FRMD4B: variants seen among roughly 807,000 people sequenced by gnomAD.
FRMD4B encodes the protein FERM domain-containing protein 4B.
FRMD4B carries 74 observed loss-of-function variants against 141.5 expected under a neutral mutation model. The ratio of observed to expected loss-of-function variants is 0.52; its 90% CI spans 0.43 to 0.63. The LOEUF (loss-of-function observed/expected upper bound fraction) is 0.63. Among genes scored for constraint, FRMD4B ranks in the 30% least tolerant of loss-of-function variants. The pLI, the probability that FRMD4B is intolerant of heterozygous loss-of-function variation, is 0.00. For synonymous variants in FRMD4B, 506 were observed against 467.9 expected, an observed-to-expected ratio of 1.08 and a Z score of -1.05; for missense variants, 1,366 against 1,253.4, an observed-to-expected ratio of 1.09 and a Z score of -1.36.
At chr3:69,231,441 C>A (rs2093304866) in intron 7 of FRMD4B, among the ~76,000 whole-genome samples, 1 of 152,194 alleles carries the variant, frequency 6.6e-6, no homozygotes, top group African/African-American at 2.4e-5. Context: ...GTATGTGCTA[C>A]CACGCCCAGC....
intron 1 of FRMD4B, among the ~76,000 whole-genome samples, chr3:69,517,274 C>A (rs1700777761): frequency 6.6e-6 from 1 of 152,088 alleles, no homozygotes; most frequent in South Asian, 2.1e-4. Context: ...CAATAATATG[C>A]AATATGTACA....
chr3:69,489,897 T>C (rs1587371), intron 1 of FRMD4B, among the ~76,000 whole-genome samples: 97,628 of 152,066 alleles, frequency 0.64, 32,614 homozygotes, highest in African/African-American at 0.84. Flanking sequence ...TACTATTCAG[T>C]AATGAAAAGT....
At chr3:69,372,424 G>C (rs1313025360) in intron 1 of FRMD4B, among the ~76,000 whole-genome samples, 3 of 152,220 alleles carry the variant, frequency 2.0e-5, no homozygotes, top group Non-Finnish European at 4.4e-5. Context: ...CAACACTTTG[G>C]GAGGCTGAAG....
chr3:69,265,802 G>T (rs2093558715), intron 5 of FRMD4B, among the ~76,000 whole-genome samples: 1 of 151,942 alleles, frequency 6.6e-6, no homozygotes, highest in Non-Finnish European at 1.5e-5. Context: ...CCAGATCTTT[G>T]TTTCTAGATA....
intron 5 of FRMD4B, among the ~76,000 whole-genome samples, chr3:69,257,626 A>G (rs1160778810): frequency 3.3e-5 from 5 of 152,014 alleles, no homozygotes; most frequent in East Asian, 1.9e-4. Flanking sequence ...AAATAACACT[A>G]ATTTCATCAC....
chr3:69,380,717 C>A (rs6803448), intron 1 of FRMD4B, among the ~76,000 whole-genome samples: 1,625 of 152,284 alleles, frequency 0.011, 31 homozygotes, highest in African/African-American at 0.036. Context: ...CTGACCCAGC[C>A]TCTTATTGGT....
At chr3:69,316,151 A>G (rs1688040596) in intron 1 of FRMD4B, among the ~76,000 whole-genome samples, 1 of 152,224 alleles carries the variant, frequency 6.6e-6, no homozygotes, top group African/African-American at 2.4e-5. Context: ...AGCTGGTTAG[A>G]TCATGGTATT....
At chr3:69,201,644 T>C (rs2092968710) in intron 11 of FRMD4B, among the ~76,000 whole-genome samples, 1 of 152,206 alleles carries the variant, frequency 6.6e-6, no homozygotes, top group Non-Finnish European at 1.5e-5. Flanking sequence ...ATAAGCTGGT[T>C]TTTCTTTTGA....
intron 1 of FRMD4B, among the ~76,000 whole-genome samples, chr3:69,488,117 AAG>A (rs1559543039): frequency 6.6e-6 from 1 of 152,156 alleles, no homozygotes; most frequent in Admixed American, 6.5e-5. Context: ...AAAAAAGAGA[AAG>A]AGAAAAAGAA....
chr3:69,184,008 A>G (rs2092738825), intron 19 of FRMD4B, among the ~76,000 whole-genome samples: 1 of 151,852 alleles, frequency 6.6e-6, no homozygotes, highest in African/African-American at 2.4e-5. Flanking sequence ...TGATCCTCCC[A>G]CCTCAGCCTC....
chr3:69,318,665 C>T (rs925610980), intron 1 of FRMD4B, among the ~76,000 whole-genome samples: 8 of 152,212 alleles, frequency 5.3e-5, no homozygotes, highest in African/African-American at 1.9e-4. Flanking sequence ...AAGGCCTGCC[C>T]TTGTCACTTA....
chr3:69,423,763 G>A (rs1705024538), intron 2 of FRMD4B, among the ~76,000 whole-genome samples: 1 of 152,066 alleles, frequency 6.6e-6, no homozygotes, highest in South Asian at 2.1e-4. Context: ...ACAATGAGAA[G>A]GTGCCATTTA....
At chr3:69,363,122 G>A (rs565904012) in intron 1 of FRMD4B, among the ~76,000 whole-genome samples, 1 of 151,958 alleles carries the variant, frequency 6.6e-6, no homozygotes, top group Non-Finnish European at 1.5e-5. Context: ...AAAGTCCCAG[G>A]CTTCTTCTAT....
intron 2 of FRMD4B, among the ~76,000 whole-genome samples, chr3:69,418,733 G>A (rs1396751608): frequency 1.3e-5 from 2 of 152,068 alleles, no homozygotes; most frequent in South Asian, 4.1e-4. Context: ...CAAGATCCTA[G>A]CTCTGGCCAA....
intron 2 of FRMD4B, among the ~76,000 whole-genome samples, chr3:69,410,374 A>G (rs1704732501): frequency 6.6e-6 from 1 of 152,132 alleles, no homozygotes; most frequent in South Asian, 2.1e-4. Flanking sequence ...AGTGTAATGG[A>G]TAAGTGTAAA....
intron 1 of FRMD4B, among the ~76,000 whole-genome samples, chr3:69,434,841 A>G (rs1455815497): frequency 1.3e-5 from 2 of 152,172 alleles, no homozygotes; most frequent in African/African-American, 4.8e-5. Context: ...CAAAATACCA[A>G]AGACTGCATG....
intron 13 of FRMD4B, 73 bp from the exon 14 acceptor site, chr3:69,196,469 T>C (rs2092905829): frequency 2.5e-6 from 3 of 1,205,482 alleles, no homozygotes; most frequent in Admixed American, 4.4e-5. Flanking sequence ...TAAGTTAACA[T>C]ACAATAAAAA....
intron 1 of FRMD4B, among the ~76,000 whole-genome samples, chr3:69,452,942 TTTA>T (rs1279829522): frequency 2.6e-5 from 4 of 152,242 alleles, no homozygotes; most frequent in Admixed American, 6.5e-5. Context: ...CTGACGTAAG[TTTA>T]TTGATACAAT....
At chr3:69,540,232 G>A (rs1701152508) in intron 1 of FRMD4B, among the ~76,000 whole-genome samples, 1 of 151,914 alleles carries the variant, frequency 6.6e-6, no homozygotes, top group South Asian at 2.1e-4. Flanking sequence ...TCCACCACCT[G>A]TCTTGTGACA....
Sources: gnomAD v4.1 joint callset for allele counts (sites outside exome capture counted in the v4.1 genomes callset) on GRCh38, gnomAD v4.1.1 for gene constraint, MANE v1.5 for transcripts, NCBI Gene and HGNC (gene_info 2026-07-23, HGNC 2026-07-21) for gene names.